Variants in NRG1 observed in about 807,000 individuals in gnomAD.
NRG1 encodes neuregulin 1, also known as pro-neuregulin-1, membrane-bound isoform.
NRG1 carries 18 observed loss-of-function variants against 63.8 expected under a neutral mutation model. The observed-to-expected ratio is 0.28, with a 90% CI of 0.19 to 0.42. The LOEUF is 0.42. Ranked by LOEUF, NRG1 falls within the 10% of genes least tolerant of loss-of-function variation. NRG1 has a pLI of 1.00. For synonymous variants in NRG1, 302 were observed against 301.3 expected (o/e 1.00, Z -0.02); for missense variants, 762 against 814.7 (o/e 0.94, Z 0.79).
rs113060920 is a variant in NRG1 at position 32,644,847 on chromosome 8, G to A, written c.502+27962G>A. 6.2e-3 allele frequency among the ~76,000 whole-genome samples: 946 copies of A among 151,784 alleles called. 6 individuals carry two copies. The highest frequency in any genetic ancestry group is 0.01 in the Non-Finnish European group (704 of 67,934). ...AATATGTTTGCTCTTAATGGTTGAG[G>A]TAAGGTGAATAATTGCTCTTGGTGT... On this transcript the variant is annotated intron_variant, in intron 5 of 11. Transcript: ENST00000356819.
At chr8:32,139,779 T>C (rs1057095334) in intron 1 of NRG1, among the ~76,000 whole-genome samples, 2 of 152,100 alleles carry the variant, frequency 1.3e-5, no homozygotes, top group Non-Finnish European at 2.9e-5. Flanking sequence ...AAAGGTAAGA[T>C]TCATAAATAG....
intron 1 of NRG1, among the ~76,000 whole-genome samples, chr8:31,754,609 C>T (rs1284026130): frequency 6.6e-6 from 1 of 152,030 alleles, no homozygotes; most frequent in Admixed American, 6.6e-5. Context: ...TGAATGAATA[C>T]ACCATGGGAT....
chr8:32,743,826 G>A (rs1826941050), intron 7 of NRG1, among the ~76,000 whole-genome samples: 1 of 151,898 alleles, frequency 6.6e-6, no homozygotes, highest in Non-Finnish European at 1.5e-5. Flanking sequence ...ATGAAAGAAT[G>A]GCAATTTTTT....
At chr8:32,056,420 C>T (rs998844949) in intron 1 of NRG1, among the ~76,000 whole-genome samples, 1 of 152,070 alleles carries the variant, frequency 6.6e-6, no homozygotes, top group African/African-American at 2.4e-5. Flanking sequence ...TTTTTCTTTG[C>T]TTTTCTCAAC....
At chr8:32,215,010 C>G (rs1249947119) in intron 1 of NRG1, among the ~76,000 whole-genome samples, 1 of 152,176 alleles carries the variant, frequency 6.6e-6, no homozygotes, top group Non-Finnish European at 1.5e-5. Context: ...TCCCTTAGGA[C>G]AGGGTTGCCT....
rs1833580038 is a variant in NRG1 at position 31,918,194 on chromosome 8, T to A, written c.37+278763T>A. Among the ~76,000 whole-genome samples the A allele has an allele frequency of 1.3e-5, 2 of 152,212 alleles. 1 individual carries two copies. The highest frequency in any genetic ancestry group is 4.1e-4 in the South Asian group (2 of 4,834). On this transcript the variant is annotated intron_variant, in intron 1 of 10. Coordinates refer to the NRG1 transcript ENST00000519301. ...CTTTTCCTAATTGAATACCCTTTAT[T>A]TCCTCTCCTGCCTAATTGCCCTAGC...
In NRG1 at chr8:31,872,695, A is replaced by G. The variant is rs191810993; in HGVS notation, c.37+233264A>G. ...TAACCTCAATTTATTCAGTCTTCTG[A>G]GATAATGTAAGAGTAAAGCATGGAA... On this transcript the variant is annotated intron_variant, in intron 1 of 10. Transcript: ENST00000519301. 5.1e-4 allele frequency among the ~76,000 whole-genome samples: 77 copies of G among 152,306 alleles called. 1 individual carries two copies. The highest frequency in any genetic ancestry group is 1.6e-3 in the African/African-American group (67 of 41,576).
intron 1 of NRG1, among the ~76,000 whole-genome samples, chr8:32,368,252 A>G (rs1198278220): frequency 1.3e-5 from 2 of 152,192 alleles, no homozygotes; most frequent in East Asian, 3.9e-4. Flanking sequence ...AGAGAGACTG[A>G]GCTTAATTTC....
intron 1 of NRG1, among the ~76,000 whole-genome samples, chr8:32,239,278 A>T (rs1452328812): frequency 1.7e-4 from 2 of 11,590 alleles, no homozygotes; most frequent in Non-Finnish European, 2.9e-4. Flanking sequence ...GATGAGCTTT[A>T]AAAAAAAAAA....
chr8:32,555,399 C>T (rs1834929613), intron 1 of NRG1, among the ~76,000 whole-genome samples: 1 of 152,220 alleles, frequency 6.6e-6, no homozygotes, highest in Admixed American at 6.5e-5. Flanking sequence ...TGTTTAGGAG[C>T]CCCACTTTGA....
At chr8:32,203,493 C>T (rs796868345) in intron 1 of NRG1, among the ~76,000 whole-genome samples, 54 of 151,970 alleles carry the variant, frequency 3.6e-4, no homozygotes, top group African/African-American at 1.3e-3. Flanking sequence ...CCTGCCTCAG[C>T]CTCCCCAGTA....
intron 1 of NRG1, among the ~76,000 whole-genome samples, chr8:32,044,942 C>G (rs1429988352): frequency 1.4e-5 from 1 of 74,044 alleles, no homozygotes; most frequent in Non-Finnish European, 3.2e-5. Flanking sequence ...CACACACACA[C>G]AAAGCAATCA....
chr8:32,288,765 A>T (rs938354460), intron 1 of NRG1, among the ~76,000 whole-genome samples: 1 of 152,198 alleles, frequency 6.6e-6, no homozygotes, highest in Admixed American at 6.5e-5. Context: ...AAGATTCTGG[A>T]CAGCTGGACT....
At chr8:32,670,549 G>GA (rs915107579) in intron 5 of NRG1, among the ~76,000 whole-genome samples, 5 of 152,090 alleles carry the variant, frequency 3.3e-5, no homozygotes, top group Non-Finnish European at 7.3e-5. Context: ...CAAAGCTTGG[G>GA]ATCTCTGGGA....
chr8:32,279,344 A>C (rs971269733), intron 1 of NRG1, among the ~76,000 whole-genome samples: 5 of 151,984 alleles, frequency 3.3e-5, no homozygotes, highest in South Asian at 2.1e-4. Context: ...AGGCTCAAAA[A>C]GTTGTTTTTT....
chr8:32,379,589 AG>A (rs1401588236), intron 1 of NRG1, among the ~76,000 whole-genome samples: 1 of 152,230 alleles, frequency 6.6e-6, no homozygotes, highest in Admixed American at 6.5e-5. Context: ...GCATTTACTG[AG>A]CTCCTACAGG....
chr8:31,943,531 G>GAAATAAATAAATAAATAAATAAAT (rs55983255), intron 1 of NRG1, among the ~76,000 whole-genome samples: 28 of 148,666 alleles, frequency 1.9e-4, no homozygotes, highest in African/African-American at 6.4e-4. Flanking sequence ...AAAACCTATT[G>GAAATAAATAAATAAATAAATAAAT]AAATAAATAA....
chr8:32,109,464 G>T (rs1216981536), intron 1 of NRG1, among the ~76,000 whole-genome samples: 1 of 152,208 alleles, frequency 6.6e-6, no homozygotes, highest in African/African-American at 2.4e-5. Context: ...GCATCACTCA[G>T]CTGGTAGGTG....
chr8:32,536,198 G>A (rs1410827314), intron 1 of NRG1, among the ~76,000 whole-genome samples: 1 of 152,100 alleles, frequency 6.6e-6, no homozygotes, highest in Non-Finnish European at 1.5e-5. Flanking sequence ...GTGTTGACCG[G>A]GCCGTCTCCT....
Sources: allele counts gnomAD v4.1 joint callset (sites outside exome capture counted in the v4.1 genomes callset), GRCh38; gene constraint gnomAD v4.1.1; transcripts MANE v1.5; gene names NCBI Gene and HGNC (gene_info 2026-07-23, HGNC 2026-07-21).